The following DPYD variants were observed in gnomAD, a reference collection of about 807,000 sequenced individuals.
DPYD encodes the protein dihydropyrimidine dehydrogenase [NADP(+)].
In DPYD, 109 loss-of-function variants were observed where a neutral mutation model predicts 116.2. The ratio of observed to expected loss-of-function variants is 0.94; its 90% confidence interval spans 0.80 to 1.10. The LOEUF (loss-of-function observed/expected upper bound fraction) is 1.10. Ranked by LOEUF, DPYD falls within the 50% of genes least tolerant of loss-of-function variation. The probability of loss-of-function intolerance (pLI) is 0.00; values close to 1 mark genes in which losing one functional copy is unlikely to be tolerated. For missense variants in DPYD, 1,302 were observed against 1,254.5 expected (o/e 1.04, Z -0.57); for synonymous variants, 440 against 432.0 (o/e 1.02, Z -0.23).
intron 8 of DPYD, among the ~76,000 whole-genome samples, chr1:97,625,199 TAAC>T (rs1656858774): frequency 1.3e-5 from 2 of 152,108 alleles, no homozygotes; most frequent in Non-Finnish European, 2.9e-5. Context: ...TGCAATATTA[TAAC>T]ATCATCTTAT....
chr1:97,240,446 C>T (rs1255031831), intron 18 of DPYD, among the ~76,000 whole-genome samples: 1 of 151,808 alleles, frequency 6.6e-6, no homozygotes, highest in Non-Finnish European at 1.5e-5. Flanking sequence ...TGTCTTTCTC[C>T]CCCTAATCAT....
Position 97,078,838 on chromosome 1 carries a change from T to G in DPYD, c.*138A>C. On this transcript the variant is annotated 3_prime_UTR_variant, in exon 23 of 23. Coordinates refer to ENST00000370192, the MANE Select transcript of DPYD (RefSeq NM_000110.4). The stretch of plus-strand genomic sequence containing the variant: ...GACATTTTTTACACTTACAAATGTA[T>G]TTTGAAATTACATATTTTTATTTAG... 9.7e-7 allele frequency: 1 copy of G among 1,030,730 alleles called. No individual in the cohort carries two copies. 63.8% of individuals were successfully genotyped at this position (1,030,730 alleles called of 1,614,324 possible).
chr1:97,858,940 T>C (rs912121111), intron 2 of DPYD, among the ~76,000 whole-genome samples: 4 of 152,158 alleles, frequency 2.6e-5, no homozygotes, highest in African/African-American at 7.2e-5. Context: ...GTTACAGTTC[T>C]ATGAATTTAC....
chr1:97,670,616 C>A (rs1659809649), intron 8 of DPYD, among the ~76,000 whole-genome samples: 1 of 152,168 alleles, frequency 6.6e-6, no homozygotes, highest in African/African-American at 2.4e-5. Flanking sequence ...ATTGAAGCCA[C>A]CCAGTCTATG....
chr1:97,666,335 T>G (rs1390353530), intron 8 of DPYD, among the ~76,000 whole-genome samples: 1 of 152,062 alleles, frequency 6.6e-6, no homozygotes, highest in Non-Finnish European at 1.5e-5. Context: ...GAATTTTTTC[T>G]TTTTGTAGAG....
At chr1:97,732,103 T>C (rs990619926) in intron 4 of DPYD, among the ~76,000 whole-genome samples, 1 of 152,160 alleles carries the variant, frequency 6.6e-6, no homozygotes, top group Non-Finnish European at 1.5e-5. Flanking sequence ...AACATTTGCT[T>C]TGAGCTTACA....
At chr1:97,344,495 C>T (rs762798884) in intron 16 of DPYD, among the ~76,000 whole-genome samples, 5 of 151,486 alleles carry the variant, frequency 3.3e-5, no homozygotes, top group African/African-American at 4.8e-5. Context: ...TTCTTTAAAC[C>T]CTATGTTTAT....
At chr1:97,537,606 T>G (rs1004111839) in intron 12 of DPYD, among the ~76,000 whole-genome samples, 12 of 152,072 alleles carry the variant, frequency 7.9e-5, no homozygotes, top group African/African-American at 2.4e-4. Context: ...AATGATCTTT[T>G]TCCATGATAC....
chr1:97,463,741 G>C (rs1035223397), intron 13 of DPYD, among the ~76,000 whole-genome samples: 1 of 152,174 alleles, frequency 6.6e-6, no homozygotes, highest in Non-Finnish European at 1.5e-5. Flanking sequence ...GGGAACTACA[G>C]GAAAGGTGAC....
intron 18 of DPYD, among the ~76,000 whole-genome samples, chr1:97,266,585 T>C (rs1183708816): frequency 1.3e-5 from 2 of 152,130 alleles, no homozygotes; most frequent in Admixed American, 6.6e-5. Flanking sequence ...AACGGGCAGG[T>C]TTGTTACATA....
At chr1:97,748,968 T>C (rs1664713365) in intron 3 of DPYD, among the ~76,000 whole-genome samples, 1 of 152,130 alleles carries the variant, frequency 6.6e-6, no homozygotes, top group Non-Finnish European at 1.5e-5. Flanking sequence ...ATGTAATTGA[T>C]CCTTATTATG....
At chr1:97,374,344 A>G (rs920748644) in intron 15 of DPYD, among the ~76,000 whole-genome samples, 2 of 152,212 alleles carry the variant, frequency 1.3e-5, no homozygotes, top group Admixed American at 1.3e-4. Flanking sequence ...ATTCATTCTA[A>G]GTATTCTTGG....
chr1:97,537,745 A>T (rs934301008), intron 12 of DPYD, among the ~76,000 whole-genome samples: 3 of 152,254 alleles, frequency 2.0e-5, no homozygotes, highest in African/African-American at 7.2e-5. Context: ...ATATGTCCAA[A>T]TTAGATGAAA....
At chr1:97,581,550 T>C (rs982557432) in intron 10 of DPYD, among the ~76,000 whole-genome samples, 2 of 151,518 alleles carry the variant, frequency 1.3e-5, no homozygotes, top group African/African-American at 4.8e-5. Context: ...AAGACTAGCC[T>C]GGGTAAAATA....
At chr1:97,402,117 A>G (rs1244616021) in intron 14 of DPYD, among the ~76,000 whole-genome samples, 1 of 152,110 alleles carries the variant, frequency 6.6e-6, no homozygotes, top group Non-Finnish European at 1.5e-5. Flanking sequence ...GTCTTCTAGC[A>G]TGCCTTTAAA....
intron 18 of DPYD, among the ~76,000 whole-genome samples, chr1:97,293,253 T>C (rs1443608326): frequency 1.3e-5 from 2 of 152,216 alleles, no homozygotes; most frequent in Non-Finnish European, 2.9e-5. Flanking sequence ...AAAGTGACTA[T>C]ATATTTTCAT....
chr1:97,606,425 C>A (rs1048903437), intron 8 of DPYD, among the ~76,000 whole-genome samples: 45 of 151,990 alleles, frequency 3.0e-4, no homozygotes, highest in Admixed American at 5.3e-4. Flanking sequence ...TACAAAGGCA[C>A]TTCACCTGGA....
chr1:97,556,833 T>C (rs986867913), intron 11 of DPYD, among the ~76,000 whole-genome samples: 4 of 151,240 alleles, frequency 2.6e-5, no homozygotes, highest in African/African-American at 7.3e-5. Flanking sequence ...CATGTGTCTT[T>C]ATAGCAGCAT....
At chr1:97,419,631 A>T (rs949489989) in intron 14 of DPYD, among the ~76,000 whole-genome samples, 6 of 152,220 alleles carry the variant, frequency 3.9e-5, no homozygotes, top group Non-Finnish European at 7.3e-5. Flanking sequence ...CACATATGTG[A>T]ACACTATTAA....
Sources: gnomAD v4.1 joint callset for allele counts (sites outside exome capture counted in the v4.1 genomes callset) on GRCh38, gnomAD v4.1.1 for gene constraint, MANE v1.5 for transcripts, NCBI Gene and HGNC (gene_info 2026-07-23, HGNC 2026-07-21) for gene names.